UNC80: variants seen among roughly 807,000 people sequenced by gnomAD.
UNC80 encodes protein unc-80 homolog.
Under a neutral mutation model 384.6 loss-of-function variants are expected in UNC80, and 164 were observed. The observed-to-expected ratio is 0.43, with a 90% confidence interval of 0.38 to 0.49. The LOEUF (loss-of-function observed/expected upper bound fraction) is 0.49. UNC80 is among the 20% of genes least tolerant of loss of function. The pLI is 0.00. For synonymous variants in UNC80, 1,486 were observed against 1,527.8 expected (o/e 0.97, Z 0.64); for missense variants, 3,330 against 4,143.0 (o/e 0.80, Z 5.39).
chr2:209,955,692 AATATATATATATATATATAT>A lies in UNC80; in HGVS notation c.7457+1450_7457+1469del, dbSNP rs57804600. 5.0e-3 allele frequency among the ~76,000 whole-genome samples: 256 copies of A among 51,610 alleles called. 5 individuals are homozygous for A. The highest frequency in any genetic ancestry group is 0.011 in the African/African-American group (182 of 16,940). 33.9% of individuals were successfully genotyped at this position (51,610 alleles called of 152,430 possible). ...TGTTCCCAAATGCCACTGTATTTCT[AATATATATATATATATATAT>A]ATATATATATATATATATATATATA... On this transcript the variant is annotated intron_variant, in intron 48 of 64. Coordinates refer to ENST00000673920, the MANE Select transcript of UNC80 (RefSeq NM_001371986.1).
chr2:209,809,611 A>G, intron 7 of UNC80: 1 of 683,186 alleles, frequency 1.5e-6, no homozygotes, highest in South Asian at 1.9e-5. Flanking sequence ...TCTCCCTACC[A>G]GACACCCTGC....
At chr2:209,982,045 C>T (rs1327688195) in intron 59 of UNC80, 134 bp from the exon 60 acceptor site, 3 of 792,736 alleles carry the variant, frequency 3.8e-6, no homozygotes, top group Non-Finnish European at 5.6e-6. Context: ...TATGAAGGGA[C>T]CAATGATAAT....
chr2:209,818,612 T>C (rs937297464), intron 11 of UNC80, among the ~76,000 whole-genome samples: 10 of 152,226 alleles, frequency 6.6e-5, no homozygotes, highest in African/African-American at 2.4e-4. Flanking sequence ...TCATGTTTGT[T>C]GTTCCTTAAT....
intron 15 of UNC80, among the ~76,000 whole-genome samples, chr2:209,831,103 T>C (rs1465167875): frequency 6.6e-6 from 1 of 151,932 alleles, no homozygotes; most frequent in Non-Finnish European, 1.5e-5. Flanking sequence ...TTTTTTTTTT[T>C]CTTTTTTTTT....
chr2:209,903,320 A>ATATG (rs1553582548), intron 28 of UNC80, among the ~76,000 whole-genome samples: 119 of 105,784 alleles, frequency 1.1e-3, no homozygotes, highest in Middle Eastern at 5.3e-3. Context: ...ATTATATTAT[A>ATATG]TGTGTGTGTG....
chr2:209,777,469 A>T lies in UNC80; in HGVS notation c.510A>T (p.Glu170Asp). Residue 170 changes from glutamate (E) to aspartate (D), a missense_variant, in exon 4 of 65, where the codon GAA becomes GAT. Physicochemically the swap from Glu to Asp is conservative, Grantham distance 45 (BLOSUM62 2). This residue lies in a region of UNC80 where 937 missense variants were observed against 1,026.8 expected (regional missense o/e 0.91). Transcript: ENST00000673920. ...GCCAAAGCAGCTCTAATGACGAAGA[A>T]GAGAACAACCGAAGAAAGATCTTCC... ...QPCQSSSNDEEENNRRKIFQN... is the reference protein window; with the variant it reads ...QPCQSSSNDEDENNRRKIFQN... The T allele has an allele frequency of 6.2e-7, 1 of 1,614,220 alleles. No homozygotes were observed. Among genetic ancestry groups the T allele is most frequent in the East Asian group, 2.2e-5 (1 of 44,874 alleles).
At chr2:209,806,924 C>T (rs1288117578) in intron 7 of UNC80, among the ~76,000 whole-genome samples, 1 of 152,198 alleles carries the variant, frequency 6.6e-6, no homozygotes, top group Non-Finnish European at 1.5e-5. Flanking sequence ...GAGTGCTTAT[C>T]TGCCTTCAAT....
chr2:209,779,448 G>A (rs1016899877), intron 4 of UNC80, among the ~76,000 whole-genome samples: 9 of 151,948 alleles, frequency 5.9e-5, no homozygotes, highest in African/African-American at 2.2e-4. Context: ...TACTTCCCTG[G>A]CTACTCTCGA....
At position 209,954,096 on chromosome 2, in the gene UNC80, A is replaced by G; in HGVS notation, c.7287-4A>G. ...TGACTCGGTTTTCTTTCTGTCGCTTAAAGTCTTCAGATGCTGATGGTCTTA... is the reference window on the plus strand; with the variant it reads ...TGACTCGGTTTTCTTTCTGTCGCTTGAAGTCTTCAGATGCTGATGGTCTTA... On this transcript the variant is annotated splice_region_variant and splice_polypyrimidine_tract_variant and intron_variant, in intron 47 of 64. Coordinates refer to ENST00000673920, the MANE Select transcript of UNC80 (RefSeq NM_001371986.1). 3 of 1,544,460 alleles carry G rather than the reference A, an allele frequency of 1.9e-6. No individual in the cohort carries two copies. Among genetic ancestry groups the G allele is most frequent in the Non-Finnish European group, 1.7e-6 (2 of 1,145,068 alleles).
At chr2:209,864,221 C>T (rs2083546571) in intron 22 of UNC80, among the ~76,000 whole-genome samples, 1 of 152,076 alleles carries the variant, frequency 6.6e-6, no homozygotes, top group Non-Finnish European at 1.5e-5. Flanking sequence ...TGGGTGTCTG[C>T]TCCTTCTGGG....
intron 17 of UNC80, 44 bp from the exon 18 acceptor site, chr2:209,834,868 C>T: frequency 1.4e-6 from 2 of 1,469,180 alleles, no homozygotes; most frequent in Non-Finnish European, 1.9e-6. Flanking sequence ...TTAAGACTTG[C>T]TATCCTGCTC....
chr2:209,973,830 A>G (rs1299475230), intron 56 of UNC80, among the ~76,000 whole-genome samples: 1 of 152,200 alleles, frequency 6.6e-6, no homozygotes, highest in Non-Finnish European at 1.5e-5. Flanking sequence ...CTATGCCCCT[A>G]CTAGCTCTTT....
intron 18 of UNC80, among the ~76,000 whole-genome samples, chr2:209,835,887 A>T (rs1425365366): frequency 6.6e-6 from 1 of 152,236 alleles, no homozygotes. Context: ...CAAAGAAAAA[A>T]TGCCCACAGA....
At chr2:209,941,162 T>G (rs2124978785) in intron 43 of UNC80, 59 bp from the exon 44 acceptor site, 1 of 1,450,796 alleles carries the variant, frequency 6.9e-7, no homozygotes, top group East Asian at 2.5e-5. Context: ...TGATCACCTC[T>G]CATGCTGACA....
intron 7 of UNC80, among the ~76,000 whole-genome samples, chr2:209,798,797 C>T (rs1015610704): frequency 6.6e-6 from 1 of 150,440 alleles, no homozygotes; most frequent in Non-Finnish European, 1.5e-5. Flanking sequence ...CCTGCCTCAG[C>T]CTGCCGAGTA....
At chr2:209,914,381 T>C (rs537131309) in intron 31 of UNC80, among the ~76,000 whole-genome samples, 1 of 152,330 alleles carries the variant, frequency 6.6e-6, no homozygotes, top group East Asian at 1.9e-4. Flanking sequence ...CAAGGCCACA[T>C]AGCTAGTTAG....
At chr2:209,955,758 C>G (rs866830755) in intron 48 of UNC80, among the ~76,000 whole-genome samples, 10,063 of 119,124 alleles carry the variant, frequency 0.084, 1,199 homozygotes, top group African/African-American at 0.23. Context: ...CACACACACA[C>G]AGAGAGAGAC....
At position 209,858,694 on chromosome 2, in the gene UNC80, C is replaced by CAA. The variant is rs34333434; in HGVS notation, c.3627+9083_3627+9084dup. Among the ~76,000 whole-genome samples the CAA allele has an allele frequency of 2.9e-4, 36 of 125,974 alleles. 1 individual carries two copies. The highest frequency in any genetic ancestry group is 1.4e-3 in the South Asian group (6 of 4,276). The allele number at this position is 125,974 out of a possible 152,430, so 82.6% of individuals were successfully genotyped here. A position where few individuals can be genotyped will look rare whatever the true frequency, so the allele number is the denominator to read the frequency against. On this transcript the variant is annotated intron_variant, in intron 22 of 64. Transcript: ENST00000673920. ...CGGCCACAGAATGAAACCCTGTTTC[C>CAA]AAAAAAAAAAAAAGAAAGAAAAAAA...
In UNC80 at chr2:209,939,582, C is replaced by A; in HGVS notation, c.6576C>A (p.Asp2192Glu). ...KQSHVSMLQE[D>E]LLRLPSFPRS... ...CCCACGTCTCCATGCTTCAGGAAGA[C>A]CTCCTCCGCCTGCCCTCATTCCCTC... The change falls in exon 43 of 65, where the codon GAC becomes GAA. Residue 2192 changes from aspartate to glutamate, a missense_variant. Coordinates refer to ENST00000673920, the MANE Select transcript of UNC80 (RefSeq NM_001371986.1). 6.4e-7 allele frequency: 1 copy of A among 1,551,864 alleles called. No individual in the cohort carries two copies. The highest frequency in any genetic ancestry group is 8.7e-7 in the Non-Finnish European group (1 of 1,146,958).
Sources: gnomAD v4.1 joint callset for allele counts (sites outside exome capture counted in the v4.1 genomes callset) on GRCh38, gnomAD v4.1.1 for gene constraint, gnomAD v4.1.1 regional missense constraint, MANE v1.5 for transcripts, NCBI Gene and HGNC (gene_info 2026-07-23, HGNC 2026-07-21) for gene names.